HEMK2: variants seen among roughly 807,000 people sequenced by gnomAD.
HEMK2 encodes methyltransferase HEMK2.
At chr21:28,597,752 GTCATAAGAGATGAATTT>G in the HEMK2 span, among the ~76,000 whole-genome samples, 2 of 152,184 alleles carry the variant, frequency 1.3e-5, no homozygotes, top group African/African-American at 2.4e-5. Context: ...ATGGGAAACA[GTCATAAGAGATGAATTT>G]TAGAAGTTTC....
At chr21:28,612,733 T>G in the HEMK2 span, among the ~76,000 whole-genome samples, 2 of 152,174 alleles carry the variant, frequency 1.3e-5, no homozygotes, top group Non-Finnish European at 2.9e-5. Flanking sequence ...TCAGCAAAGT[T>G]TTCATATACA....
the HEMK2 span, among the ~76,000 whole-genome samples, chr21:28,654,243 T>C: frequency 1.3e-5 from 2 of 152,160 alleles, no homozygotes; most frequent in African/African-American, 4.8e-5. Context: ...GTGGGCCATA[T>C]CCTTATAGGC....
At chr21:28,777,602 A>C in the HEMK2 span, among the ~76,000 whole-genome samples, 2 of 152,204 alleles carry the variant, frequency 1.3e-5, no homozygotes, top group Non-Finnish European at 2.9e-5. Flanking sequence ...TCTGCCCTCA[A>C]GGAAAAGGGG....
the HEMK2 span, among the ~76,000 whole-genome samples, chr21:28,620,163 G>A: frequency 0.011 from 1,654 of 152,192 alleles, 34 homozygotes; most frequent in African/African-American, 0.038. Flanking sequence ...TGCTGGATTC[G>A]GTTTGCCAGT....
chr21:28,785,818 T>C, the HEMK2 span, among the ~76,000 whole-genome samples: 2 of 152,222 alleles, frequency 1.3e-5, no homozygotes, highest in African/African-American at 4.8e-5. Flanking sequence ...TCAAAATTTA[T>C]GACCATCTCC....
chr21:28,613,950 C>T, the HEMK2 span, among the ~76,000 whole-genome samples: 17 of 142,098 alleles, frequency 1.2e-4, no homozygotes, highest in Non-Finnish European at 4.6e-5. Context: ...TTTCTCCCCA[C>T]GGTTCAAGTG....
the HEMK2 span, among the ~76,000 whole-genome samples, chr21:28,690,534 A>T: frequency 5.9e-5 from 9 of 152,288 alleles, no homozygotes; most frequent in African/African-American, 1.9e-4. Context: ...AGTTTATAGC[A>T]ATTTGTTACA....
the HEMK2 span, among the ~76,000 whole-genome samples, chr21:28,653,194 C>T: frequency 1.3e-5 from 2 of 149,010 alleles, no homozygotes; most frequent in African/African-American, 2.6e-5. Flanking sequence ...AAAATATTTC[C>T]TGGGTGAAGG....
chr21:28,809,948 A>T, the HEMK2 span, among the ~76,000 whole-genome samples: 2 of 152,168 alleles, frequency 1.3e-5, no homozygotes, highest in South Asian at 4.1e-4. Context: ...ATTTCCTTGT[A>T]TTCTCTCACT....
chr21:28,849,824 T>C, the HEMK2 span, among the ~76,000 whole-genome samples: 1 of 151,884 alleles, frequency 6.6e-6, no homozygotes, highest in African/African-American at 2.4e-5. Context: ...AATAAAGAAA[T>C]AATAAAGAAG....
chr21:28,839,546 C>G, the HEMK2 span, among the ~76,000 whole-genome samples: 1 of 152,064 alleles, frequency 6.6e-6, no homozygotes, highest in Non-Finnish European at 1.5e-5. Flanking sequence ...GATTAATGTA[C>G]ACAAATCAGT....
the HEMK2 span, among the ~76,000 whole-genome samples, chr21:28,624,874 C>T: frequency 6.6e-6 from 1 of 152,192 alleles, no homozygotes; most frequent in African/African-American, 2.4e-5. Context: ...AGGTCAGCTG[C>T]AGACCTAGGC....
At chr21:28,658,828 T>C in the HEMK2 span, among the ~76,000 whole-genome samples, 2 of 152,166 alleles carry the variant, frequency 1.3e-5, no homozygotes, top group East Asian at 3.8e-4. Flanking sequence ...AGATTCATTG[T>C]AGCACTTTAC....
chr21:28,863,616 A>G, the HEMK2 span, among the ~76,000 whole-genome samples: 1 of 151,640 alleles, frequency 6.6e-6, no homozygotes, highest in Non-Finnish European at 1.5e-5. Context: ...AAAGCTAGAC[A>G]TACTTTCTCT....
At chr21:28,740,522 T>C in the HEMK2 span, among the ~76,000 whole-genome samples, 28 of 152,314 alleles carry the variant, frequency 1.8e-4, no homozygotes, top group African/African-American at 6.5e-4. Context: ...CCATGCAAAA[T>C]ATATCAAATC....
the HEMK2 span, among the ~76,000 whole-genome samples, chr21:28,831,491 G>GA: frequency 3.6e-4 from 24 of 67,376 alleles, no homozygotes; most frequent in African/African-American, 1.4e-3. Context: ...AAGAAAGAAA[G>GA]AAAGAAAGAA....
chr21:28,613,074 T>TGATAGATA, the HEMK2 span, among the ~76,000 whole-genome samples: 155 of 150,868 alleles, frequency 1.0e-3, no homozygotes, highest in African/African-American at 3.7e-3. Flanking sequence ...TGAAGAAATG[T>TGATAGATA]GATAGATAGA....
the HEMK2 span, among the ~76,000 whole-genome samples, chr21:28,626,195 G>A: frequency 1.3e-5 from 2 of 152,094 alleles, no homozygotes; most frequent in African/African-American, 4.8e-5. Flanking sequence ...ACAAAGGATG[G>A]GTGGAGTAGA....
the HEMK2 span, among the ~76,000 whole-genome samples, chr21:28,577,548 AC>A: frequency 4.3e-4 from 65 of 152,272 alleles, 2 homozygotes; most frequent in South Asian, 0.013. Flanking sequence ...TGTTTTGCCC[AC>A]CTAACAACTT....
Sources: allele counts gnomAD v4.1 joint callset (sites outside exome capture counted in the v4.1 genomes callset), GRCh38; gene constraint gnomAD v4.1.1; transcripts MANE v1.5; gene names NCBI Gene and HGNC (gene_info 2026-07-23, HGNC 2026-07-21).